TLN2: variants seen among roughly 807,000 people sequenced by gnomAD.
The protein encoded by TLN2 is talin-2.
TLN2 carries 118 observed loss-of-function variants against 294.7 expected under a neutral mutation model. That is an observed-to-expected ratio of 0.40 (90% CI 0.34 to 0.47). TLN2 has a LOEUF of 0.47. Among genes scored for constraint, TLN2 ranks in the 20% least tolerant of loss-of-function variants. The probability of loss-of-function intolerance (pLI) is 0.84; values close to 1 mark genes in which losing one functional copy is unlikely to be tolerated. For missense variants in TLN2, 3,083 were observed against 3,282.2 expected, an observed-to-expected ratio of 0.94 and a Z score of 1.48; for synonymous variants, 1,431 against 1,304.5, an observed-to-expected ratio of 1.10 and a Z score of -2.09.
intron 37 of TLN2, among the ~76,000 whole-genome samples, chr15:62,759,617 G>A (rs1272136163): frequency 6.6e-6 from 1 of 152,200 alleles, no homozygotes; most frequent in African/African-American, 2.4e-5. Context: ...GAGGTTTGTG[G>A]GAGCAGAAAG....
At chr15:62,627,946 C>G (rs775970737) in intron 3 of TLN2, among the ~76,000 whole-genome samples, 1 of 152,094 alleles carries the variant, frequency 6.6e-6, no homozygotes, top group African/African-American at 2.4e-5. Flanking sequence ...CATGAAGATT[C>G]TAATTATGCT....
At chr15:62,832,959 G>A (rs1351211843) in intron 54 of TLN2, 4 of 151,958 alleles carry the variant, frequency 2.6e-5, no homozygotes, top group Non-Finnish European at 5.9e-5. Context: ...AACCATTTGA[G>A]TGTATTTTGT....
chr15:62,731,558 G>A (rs1019641683), intron 28 of TLN2, among the ~76,000 whole-genome samples: 4 of 152,144 alleles, frequency 2.6e-5, no homozygotes, highest in East Asian at 1.9e-4. Flanking sequence ...TGTGTGTCCC[G>A]TCTGAAAGGG....
chr15:62,408,733 T>G (rs2033578968), intron 1 of TLN2, among the ~76,000 whole-genome samples: 1 of 152,238 alleles, frequency 6.6e-6, no homozygotes, highest in South Asian at 2.1e-4. Context: ...GGTTAAGTAT[T>G]GTAACTGCCC....
In TLN2 at chr15:62,522,941, T is replaced by TACACACACAC. The variant is rs71129007; in HGVS notation, c.-237-66717_-237-66708dup. On this transcript the variant is annotated intron_variant, in intron 1 of 58. Transcript: ENST00000636159. The stretch of plus-strand genomic sequence containing the variant: ...TGAGTGGTCTGCCCTGAATGTGGCT[T>TACACACACAC]ACACACACACACACACACACACACA... Among the ~76,000 whole-genome samples the TACACACACAC allele has an allele frequency of 5.4e-3, 714 of 133,148 alleles. 2 individuals carry two copies. The highest frequency in any genetic ancestry group is 7.4e-3 in the Middle Eastern group (2 of 270). The allele number at this position is 133,148 out of a possible 152,430, so 87.4% of individuals were successfully genotyped here. A position where few individuals can be genotyped will look rare whatever the true frequency, so the allele number is the denominator to read the frequency against.
intron 54 of TLN2, among the ~76,000 whole-genome samples, chr15:62,825,883 A>G (rs1468353089): frequency 3.6e-5 from 4 of 112,106 alleles, no homozygotes; most frequent in Non-Finnish European, 6.7e-5. Context: ...TATATATATA[A>G]TAAGTCAGGC....
chr15:62,594,606 T>G (rs2046333967), intron 2 of TLN2, among the ~76,000 whole-genome samples: 1 of 152,148 alleles, frequency 6.6e-6, no homozygotes, highest in South Asian at 2.1e-4. Context: ...GATATCCACA[T>G]GCAGAAAAAT....
At chr15:62,668,568 G>A (rs955475554) in intron 9 of TLN2, among the ~76,000 whole-genome samples, 10 of 152,106 alleles carry the variant, frequency 6.6e-5, no homozygotes, top group African/African-American at 2.2e-4. Flanking sequence ...TACTGATCAC[G>A]TGGGATGTTG....
rs531112381 is a variant in TLN2 at position 62,842,166 on chromosome 15, T to C, written c.*1556T>C. 1 of 151,906 alleles carries C rather than the reference T, an allele frequency of 6.6e-6. No individual in the cohort carries two copies. Among genetic ancestry groups the C allele is most frequent in the Admixed American group, 6.5e-5 (1 of 15,288 alleles). 9.4% of individuals were successfully genotyped at this position (151,906 alleles called of 1,614,324 possible). On this transcript the variant is annotated 3_prime_UTR_variant, in exon 59 of 59. Transcript: ENST00000636159. ...TACATAAACTTCTGACAGCTTCCCA[T>C]ATTTATAAGTTACTTATAAGTGCTG...
intron 27 of TLN2, among the ~76,000 whole-genome samples, chr15:62,725,628 A>T (rs973553446): frequency 1.3e-5 from 2 of 152,170 alleles, no homozygotes; most frequent in Non-Finnish European, 2.9e-5. Flanking sequence ...ATGACTGAAC[A>T]TTGCTAGTAA....
chr15:62,736,997 G>C lies in TLN2; in HGVS notation c.3478G>C (p.Val1160Leu). 1.2e-6 allele frequency: 2 copies of C among 1,614,220 alleles called. No homozygotes were observed. Among genetic ancestry groups the C allele is most frequent in the Non-Finnish European group, 1.7e-6 (2 of 1,180,034 alleles). Residue 1160 changes from valine to leucine, a missense_variant, in exon 29 of 59, where the codon GTG becomes CTG. By Grantham distance (32) the Val-to-Leu change is conservative. Transcript: ENST00000636159. ...AHAMLDSARD[V>L]MEGSAMLIQE... ...TGCCATGTTAGATTCTGCTCGAGAC[G>C]TGATGGAGGGCTCCGCCATGCTCAT... is the stretch of plus-strand genomic sequence containing the variant.
chr15:62,652,662 C>T (rs1596504141), intron 6 of TLN2, among the ~76,000 whole-genome samples: 1 of 152,184 alleles, frequency 6.6e-6, no homozygotes, highest in Non-Finnish European at 1.5e-5. Context: ...ACTGTCTTGC[C>T]TTCTTCTGCA....
intron 22 of TLN2, among the ~76,000 whole-genome samples, chr15:62,713,929 A>ATTC (rs368958929): frequency 8.0e-6 from 1 of 125,290 alleles, no homozygotes; most frequent in Non-Finnish European, 1.8e-5. Flanking sequence ...GTGTGTGTGT[A>ATTC]TGTGTGTGTG....
intron 1 of TLN2, among the ~76,000 whole-genome samples, chr15:62,507,144 A>G (rs1288325506): frequency 1.3e-5 from 2 of 152,254 alleles, no homozygotes; most frequent in African/African-American, 4.8e-5. Context: ...GAGAAAAAGA[A>G]GGATGAGTTT....
At chr15:62,526,269 A>G (rs1183214928) in intron 1 of TLN2, among the ~76,000 whole-genome samples, 1 of 152,262 alleles carries the variant, frequency 6.6e-6, no homozygotes, top group Middle Eastern at 3.4e-3. Context: ...AGCTGGGATT[A>G]TAGGCATGTG....
At chr15:62,433,188 C>T (rs533398521) in intron 1 of TLN2, among the ~76,000 whole-genome samples, 1 of 152,264 alleles carries the variant, frequency 6.6e-6, no homozygotes, top group Admixed American at 6.5e-5. Flanking sequence ...GACAGGGCTC[C>T]AGCCTGGGCG....
intron 55 of TLN2, 98 bp from the exon 56 acceptor site, chr15:62,835,639 G>C (rs2069442262): frequency 7.4e-7 from 1 of 1,343,834 alleles, no homozygotes; most frequent in African/African-American, 1.4e-5. Context: ...GCACCAAGCG[G>C]GGTACAAGTC....
chr15:62,758,389 A>T (rs2062445800), intron 37 of TLN2, among the ~76,000 whole-genome samples: 1 of 152,250 alleles, frequency 6.6e-6, no homozygotes, highest in Non-Finnish European at 1.5e-5. Flanking sequence ...GAGTCACCAC[A>T]TACGCTGTTG....
chr15:62,836,931 T>C (rs1228517942), intron 57 of TLN2, among the ~76,000 whole-genome samples: 1 of 152,108 alleles, frequency 6.6e-6, no homozygotes, highest in Non-Finnish European at 1.5e-5. Flanking sequence ...AACTTCTCTA[T>C]GCAAAGCTAG....
Sources: allele counts gnomAD v4.1 joint callset (sites outside exome capture counted in the v4.1 genomes callset), GRCh38; gene constraint gnomAD v4.1.1; transcripts MANE v1.5; gene names NCBI Gene and HGNC (gene_info 2026-07-23, HGNC 2026-07-21).